RAB31: variants seen among roughly 807,000 people sequenced by gnomAD.
RAB31 encodes ras-related protein Rab-31.
Under a neutral mutation model 25.6 loss-of-function variants are expected in RAB31, and 21 were observed. The observed-to-expected ratio is 0.82, with a 90% CI of 0.58 to 1.18. The LOEUF is 1.18. Among genes scored for constraint, RAB31 ranks in the 50% most tolerant of loss-of-function variants. RAB31 has a pLI of 0.00. For synonymous variants in RAB31, 87 were observed against 84.0 expected, an observed-to-expected ratio of 1.04 and a Z score of -0.20; for missense variants, 196 against 250.1, an observed-to-expected ratio of 0.78 and a Z score of 1.46.
rs56858783 is a variant in RAB31, at chr18:9,789,711, G to A, written c.120-2443G>A. Among the ~76,000 whole-genome samples the A allele has an allele frequency of 7.7e-3, 1,171 of 152,146 alleles. 7 individuals carry two copies. Among genetic ancestry groups the A allele is most frequent in the African/African-American group, 0.027 (1,117 of 41,520 alleles). On this transcript the variant is annotated intron_variant, in intron 2 of 6. Coordinates refer to ENST00000578921, the MANE Select transcript of RAB31 (RefSeq NM_006868.4). ...GAAATACATATGTTGCTTTTAAAAT[G>A]GGAAAAGTAATAAAGACATTAACAT... is the stretch of plus-strand genomic sequence containing the variant.
chr18:9,718,379 C>G (rs920004222), intron 1 of RAB31, among the ~76,000 whole-genome samples: 16 of 152,146 alleles, frequency 1.1e-4, no homozygotes. Context: ...CTTGCGTCAG[C>G]CTCCCAAGTA....
chr18:9,835,979 C>T (rs1314648514), intron 5 of RAB31, among the ~76,000 whole-genome samples: 1 of 152,008 alleles, frequency 6.6e-6, no homozygotes, highest in Non-Finnish European at 1.5e-5. Flanking sequence ...CGTCAGAGCA[C>T]ACACAGCCCT....
intron 1 of RAB31, among the ~76,000 whole-genome samples, chr18:9,743,458 C>G (rs1379207642): frequency 6.6e-6 from 1 of 152,238 alleles, no homozygotes; most frequent in East Asian, 1.9e-4. Flanking sequence ...CTGTTATTTT[C>G]TAGATTTCCT....
At chr18:9,812,909 C>A (rs1022832637) in intron 3 of RAB31, among the ~76,000 whole-genome samples, 1 of 151,872 alleles carries the variant, frequency 6.6e-6, no homozygotes, top group African/African-American at 2.4e-5. Context: ...ATTGGCCAGG[C>A]TGTTCTCAAA....
chr18:9,742,434 A>G (rs935703875), intron 1 of RAB31, among the ~76,000 whole-genome samples: 1 of 152,232 alleles, frequency 6.6e-6, no homozygotes, highest in African/African-American at 2.4e-5. Flanking sequence ...TCAAGCCGAC[A>G]GGAAGGGGCC....
At chr18:9,779,007 C>T (rs1023562164) in intron 2 of RAB31, among the ~76,000 whole-genome samples, 1 of 152,132 alleles carries the variant, frequency 6.6e-6, no homozygotes. Flanking sequence ...GGTCTTCATC[C>T]TCATTGTCTT....
intron 1 of RAB31, among the ~76,000 whole-genome samples, chr18:9,763,478 A>G (rs7235374): frequency 0.022 from 3,286 of 152,204 alleles, 123 homozygotes; most frequent in African/African-American, 0.074. Flanking sequence ...ACTGAAAACT[A>G]TAATAATTGA....
intron 2 of RAB31, 124 bp downstream of exon 2, chr18:9,775,481 C>G: frequency 7.3e-6 from 11 of 1,501,308 alleles, no homozygotes; most frequent in Non-Finnish European, 9.9e-6. Context: ...GAGAATCAAT[C>G]CCAGCTGTAG....
At chr18:9,824,049 C>T (rs184103019) in intron 5 of RAB31, among the ~76,000 whole-genome samples, 291 of 152,352 alleles carry the variant, frequency 1.9e-3, no homozygotes, top group Non-Finnish European at 3.5e-3. Flanking sequence ...AGCCAAACCT[C>T]TAAACCCCAG....
At chr18:9,713,131 A>G (rs147080251) in intron 1 of RAB31, among the ~76,000 whole-genome samples, 2 of 152,378 alleles carry the variant, frequency 1.3e-5, no homozygotes, top group East Asian at 3.9e-4. Context: ...ATGAGTTGCT[A>G]TGAGCACTGT....
At chr18:9,730,609 T>G (rs1232142995) in intron 1 of RAB31, among the ~76,000 whole-genome samples, 1 of 152,204 alleles carries the variant, frequency 6.6e-6, no homozygotes, top group Non-Finnish European at 1.5e-5. Context: ...TTTGAAAACA[T>G]GGTTACAGAA....
intron 3 of RAB31, among the ~76,000 whole-genome samples, chr18:9,804,516 T>C (rs915129201): frequency 1.3e-5 from 2 of 152,158 alleles, no homozygotes; most frequent in Non-Finnish European, 2.9e-5. Flanking sequence ...TAAGAAGCAC[T>C]TCAACTAGTT....
intron 2 of RAB31, among the ~76,000 whole-genome samples, chr18:9,781,341 A>G (rs180707829): frequency 6.6e-6 from 1 of 152,226 alleles, no homozygotes; most frequent in East Asian, 1.9e-4. Flanking sequence ...TATTTGAGAC[A>G]GAGTCTTCTC....
At chr18:9,832,697 G>A (rs2068685186) in intron 5 of RAB31, among the ~76,000 whole-genome samples, 1 of 152,220 alleles carries the variant, frequency 6.6e-6, no homozygotes, top group Admixed American at 6.5e-5. Context: ...GGGGAACAGG[G>A]AATCAGGACA....
intron 2 of RAB31, among the ~76,000 whole-genome samples, chr18:9,790,394 T>A (rs1231830166): frequency 1.5e-5 from 2 of 135,648 alleles, no homozygotes; most frequent in Admixed American, 7.4e-5. Context: ...TCAGCTGATT[T>A]AAAAAAAAAA....
intron 3 of RAB31, among the ~76,000 whole-genome samples, chr18:9,803,144 C>T (rs1000390978): frequency 1.3e-5 from 2 of 152,196 alleles, no homozygotes; most frequent in African/African-American, 4.8e-5. Flanking sequence ...TGTAGGCATT[C>T]CTCCTCATGG....
rs939419215 is a variant in RAB31, at chr18:9,766,423, CG to C, written c.40-8851del. Reference sequence around the variant, plus strand: ...TCCACACAAGGACCTGCCTGGCAGGCGGGGTGGGCTGAGGCGGGCGGGTGGG... The same window carrying C: ...TCCACACAAGGACCTGCCTGGCAGGCGGGTGGGCTGAGGCGGGCGGGTGGG... On this transcript the variant is annotated intron_variant, in intron 1 of 6. Coordinates refer to ENST00000578921, the MANE Select transcript of RAB31 (RefSeq NM_006868.4). The surrounding 1 kb of genome is among the most constrained non-coding windows in gnomAD (Gnocchi z 4.3). Among the ~76,000 whole-genome samples the C allele has an allele frequency of 7.0e-6, 1 of 142,904 alleles. No individual in the cohort carries two copies. Among genetic ancestry groups the C allele is most frequent in the African/African-American group, 2.5e-5 (1 of 40,098 alleles). 93.8% of individuals were successfully genotyped at this position (142,904 alleles called of 152,430 possible).
chr18:9,841,263 G>A (rs917746367), intron 5 of RAB31, among the ~76,000 whole-genome samples: 1 of 151,056 alleles, frequency 6.6e-6, no homozygotes, highest in African/African-American at 2.4e-5. Context: ...AATTGGGCCA[G>A]GCGCAGTGGC....
chr18:9,716,885 C>T (rs373416512), intron 1 of RAB31, among the ~76,000 whole-genome samples: 2 of 135,436 alleles, frequency 1.5e-5, no homozygotes, highest in African/African-American at 5.5e-5. Context: ...GCTGGGACTA[C>T]AGGCGTGCCA....
Sources: allele counts gnomAD v4.1 joint callset (sites outside exome capture counted in the v4.1 genomes callset), GRCh38; gene constraint gnomAD v4.1.1; non-coding constraint Gnocchi (gnomAD v3.1); transcripts MANE v1.5; gene names NCBI Gene and HGNC (gene_info 2026-07-23, HGNC 2026-07-21).